Variants in UST observed in about 807,000 individuals in gnomAD.
The protein encoded by UST is uronyl 2-sulfotransferase, also known as chondroitin sulfate 2-O-sulfotransferase.
A neutral mutation model predicts 45.6 loss-of-function variants in UST; 21 were observed. That is an observed-to-expected ratio of 0.46 (90% CI 0.33 to 0.66). The LOEUF (loss-of-function observed/expected upper bound fraction) is 0.66. Among genes scored for constraint, UST ranks in the 30% least tolerant of loss-of-function variants. The pLI, the probability that UST is intolerant of heterozygous loss-of-function variation, is 0.02. For synonymous variants in UST, 215 were observed against 200.6 expected (o/e 1.07, Z -0.61); for missense variants, 463 against 512.4 (o/e 0.90, Z 0.93).
At chr6:148,922,734 A>G (rs1457366459) in intron 2 of UST, among the ~76,000 whole-genome samples, 1 of 151,068 alleles carries the variant, frequency 6.6e-6, no homozygotes, top group Non-Finnish European at 1.5e-5. Flanking sequence ...CGGCCTCCCA[A>G]ATTGCTGGGA....
chr6:148,967,572 G>C (rs996001661), intron 5 of UST, among the ~76,000 whole-genome samples: 1 of 152,256 alleles, frequency 6.6e-6, no homozygotes. Flanking sequence ...TTTGGCAAAG[G>C]CTGGGTAGTC....
Position 148,978,844 on chromosome 6 carries a change from T to A in UST, c.681+14281T>A, listed in dbSNP as rs181901835. Among the ~76,000 whole-genome samples, 1,304 of 151,096 alleles carry A rather than the reference T, an allele frequency of 8.6e-3. 8 individuals carry two copies. The highest frequency in any genetic ancestry group is 0.016 in the African/African-American group (653 of 40,846). ...TTCCAGAACTTAAGGTAAAAATTTTTTTAAAAAAAAATTGGTTTCTCATAG... is the reference window on the plus strand; with the variant it reads ...TTCCAGAACTTAAGGTAAAAATTTTATTAAAAAAAAATTGGTTTCTCATAG... On this transcript the variant is annotated intron_variant, in intron 5 of 7. Coordinates refer to ENST00000367463, the MANE Select transcript of UST (RefSeq NM_005715.3).
chr6:148,967,970 G>C (rs1780836101), intron 5 of UST, among the ~76,000 whole-genome samples: 1 of 152,142 alleles, frequency 6.6e-6, no homozygotes, highest in Admixed American at 6.5e-5. Flanking sequence ...GGAATCCTAG[G>C]ATTTGCAGGA....
chr6:148,766,238 G>A (rs75379703), intron 1 of UST, among the ~76,000 whole-genome samples: 297 of 152,138 alleles, frequency 2.0e-3, no homozygotes, highest in African/African-American at 6.9e-3. Context: ...AGTTGACTTT[G>A]TTAATTGCAG....
chr6:148,905,954 T>C (rs1779349243), intron 2 of UST, among the ~76,000 whole-genome samples: 1 of 152,262 alleles, frequency 6.6e-6, no homozygotes, highest in Admixed American at 6.5e-5. Flanking sequence ...CCCAGCTATA[T>C]TGTAATTCCT....
At chr6:149,062,120 T>C (rs1330715713) in intron 7 of UST, among the ~76,000 whole-genome samples, 1 of 152,224 alleles carries the variant, frequency 6.6e-6, no homozygotes, top group East Asian at 1.9e-4. Context: ...TTCCTTATCA[T>C]GGCATGTCTT....
At chr6:148,972,363 G>C (rs1464889178) in intron 5 of UST, among the ~76,000 whole-genome samples, 1 of 152,308 alleles carries the variant, frequency 6.6e-6, no homozygotes, top group East Asian at 1.9e-4. Context: ...GGAGGGGACT[G>C]TTCCAAGTGA....
intron 3 of UST, among the ~76,000 whole-genome samples, chr6:148,949,439 C>T (rs1315808567): frequency 7.3e-6 from 1 of 136,838 alleles, no homozygotes; most frequent in Admixed American, 7.2e-5. Flanking sequence ...AATAATATTA[C>T]TTATTCATGG....
chr6:148,848,856 G>A (rs1778049177), intron 1 of UST, among the ~76,000 whole-genome samples: 1 of 152,094 alleles, frequency 6.6e-6, no homozygotes. Flanking sequence ...ACCAAGAGGG[G>A]CCGGTAGTGT....
chr6:148,947,388 A>G (rs1431091989), intron 3 of UST, among the ~76,000 whole-genome samples: 1 of 152,236 alleles, frequency 6.6e-6, no homozygotes, highest in East Asian at 1.9e-4. Context: ...ATGTGTATTC[A>G]GGTCCCACTG....
intron 7 of UST, among the ~76,000 whole-genome samples, chr6:149,040,984 C>T (rs1776305411): frequency 6.6e-6 from 1 of 152,164 alleles, no homozygotes. Flanking sequence ...TGTGCATCCC[C>T]GTAAGACCCT....
intron 1 of UST, among the ~76,000 whole-genome samples, chr6:148,784,290 G>A (rs1776698401): frequency 6.6e-6 from 1 of 152,194 alleles, no homozygotes; most frequent in Non-Finnish European, 1.5e-5. Context: ...TAAAAAGAGA[G>A]ATTATCAAGT....
chr6:149,044,540 G>A (rs988604233), intron 7 of UST, among the ~76,000 whole-genome samples: 3 of 152,174 alleles, frequency 2.0e-5, no homozygotes, highest in Admixed American at 6.5e-5. Flanking sequence ...TTTTGCTTTT[G>A]AGGGGGATGA....
chr6:148,856,371 G>A (rs1452538341), intron 1 of UST, among the ~76,000 whole-genome samples: 2 of 152,192 alleles, frequency 1.3e-5, no homozygotes, highest in Admixed American at 1.3e-4. Context: ...CGTTCACAAA[G>A]ATGATTCATG....
In UST at chr6:148,914,296, C is replaced by T. The variant is rs554348772; in HGVS notation, c.292-26983C>T. ...CATACGAGAGTTCAGAAATCTTACC[C>T]GAAACTCGATTCTACCTTTGATAAA... On this transcript the variant is annotated intron_variant, in intron 2 of 7. Coordinates refer to ENST00000367463, the MANE Select transcript of UST (RefSeq NM_005715.3). 8.3e-4 allele frequency among the ~76,000 whole-genome samples: 126 copies of T among 151,204 alleles called. 2 individuals are homozygous for T. The highest frequency in any genetic ancestry group is 3.6e-3 in the Admixed American group (54 of 15,102).
At chr6:149,072,199 C>T (rs1776828892) in intron 7 of UST, among the ~76,000 whole-genome samples, 1 of 152,132 alleles carries the variant, frequency 6.6e-6, no homozygotes, top group Admixed American at 6.5e-5. Flanking sequence ...TGCTCCTAGG[C>T]ATATACCCAA....
rs550470645 is a variant in UST at position 148,773,240 on chromosome 6, C to A, written c.247+25563C>A. Among the ~76,000 whole-genome samples the A allele has an allele frequency of 4.6e-5, 7 of 152,266 alleles. No homozygotes were observed. The South Asian group carries it at 1.5e-3, about 32-fold the overall frequency. On this transcript the variant is annotated intron_variant, in intron 1 of 7. Transcript: ENST00000367463. ...TTTGGGTGGCTGAGATGGGTGGGAT[C>A]ACCTGAGGTCAGGAGTTCGAGACCA...
At chr6:148,995,451 G>A (rs1185319751) in intron 5 of UST, among the ~76,000 whole-genome samples, 2 of 151,992 alleles carry the variant, frequency 1.3e-5, no homozygotes, top group East Asian at 3.8e-4. Flanking sequence ...CTAAGCCAGG[G>A]TTTTCTTCTC....
chr6:148,825,718 T>G (rs1167720083), intron 1 of UST, among the ~76,000 whole-genome samples: 1 of 152,184 alleles, frequency 6.6e-6, no homozygotes, highest in Non-Finnish European at 1.5e-5. Context: ...TCAGCTGCCT[T>G]TATGCCCAAA....
Sources: allele counts gnomAD v4.1 joint callset (sites outside exome capture counted in the v4.1 genomes callset), GRCh38; gene constraint gnomAD v4.1.1; transcripts MANE v1.5; gene names NCBI Gene and HGNC (gene_info 2026-07-23, HGNC 2026-07-21).